The following TUSC3 variants were observed in gnomAD, a reference collection of about 807,000 sequenced individuals.
TUSC3 encodes the protein tumor suppressor candidate 3, also known as dolichyl-diphosphooligosaccharide--protein glycosyltransferase subunit TUSC3.
TUSC3 carries 45 observed loss-of-function variants against 44.8 expected under a neutral mutation model. The ratio of observed to expected loss-of-function variants is 1.00; its 90% CI spans 0.79 to 1.29. TUSC3 has a LOEUF of 1.29. Among genes scored for constraint, TUSC3 ranks in the 50% most tolerant of loss-of-function variants. The probability of loss-of-function intolerance (pLI) is 0.00; values close to 1 mark genes in which losing one functional copy is unlikely to be tolerated. For missense variants in TUSC3, 519 were observed against 437.9 expected, an observed-to-expected ratio of 1.19 and a Z score of -1.65; for synonymous variants, 212 against 152.9, an observed-to-expected ratio of 1.39 and a Z score of -2.85.
At chr8:15,706,894 T>C (rs544944644) in intron 6 of TUSC3, among the ~76,000 whole-genome samples, 1 of 152,030 alleles carries the variant, frequency 6.6e-6, no homozygotes, top group African/African-American at 2.4e-5. Flanking sequence ...AGTTAAGTTG[T>C]AGGGCGCAAG....
At chr8:15,523,822 C>A (rs1394428593) in intron 2 of TUSC3, among the ~76,000 whole-genome samples, 1 of 150,700 alleles carries the variant, frequency 6.6e-6, no homozygotes, top group African/African-American at 2.4e-5. Context: ...CTTTGAAAGG[C>A]CGAGGCAGGC....
At chr8:15,535,500 G>A (rs572226812), upstream of TUSC3, among the ~76,000 whole-genome samples, 1 of 152,270 alleles carries the variant, frequency 6.6e-6, no homozygotes, top group South Asian at 2.1e-4. Flanking sequence ...CCGTCCTAGA[G>A]CTTACATTCT....
At chr8:15,568,480 T>A (rs1014784720) in intron 1 of TUSC3, among the ~76,000 whole-genome samples, 1 of 152,188 alleles carries the variant, frequency 6.6e-6, no homozygotes, top group Admixed American at 6.5e-5. Context: ...CCATTTTGCC[T>A]AAACTAGATT....
chr8:15,549,288 C>T (rs968437062), intron 1 of TUSC3, among the ~76,000 whole-genome samples: 10 of 151,708 alleles, frequency 6.6e-5, no homozygotes, highest in African/African-American at 2.4e-4. Context: ...ATTCTCCTGC[C>T]TCAGCCACCT....
intron 6 of TUSC3, among the ~76,000 whole-genome samples, chr8:15,676,065 C>G (rs1022446955): frequency 6.6e-6 from 1 of 152,224 alleles, no homozygotes; most frequent in South Asian, 2.1e-4. Context: ...TGTATGTGTT[C>G]CGTTTTCTAC....
At chr8:15,752,136 A>G (rs961605712) in intron 9 of TUSC3, among the ~76,000 whole-genome samples, 2 of 152,088 alleles carry the variant, frequency 1.3e-5, no homozygotes, top group African/African-American at 2.4e-5. Context: ...GGTGAGAAAG[A>G]TCACTGTGGG....
At chr8:15,784,010 T>A in the TUSC3 span, among the ~76,000 whole-genome samples, 4 of 151,850 alleles carry the variant, frequency 2.6e-5, no homozygotes, top group African/African-American at 9.7e-5. Context: ...AATAAGAAAA[T>A]AAATAACACT....
chr8:15,778,152 C>G, the TUSC3 span, among the ~76,000 whole-genome samples: 1 of 151,848 alleles, frequency 6.6e-6, no homozygotes, highest in Non-Finnish European at 1.5e-5. Flanking sequence ...TAATATCACC[C>G]TTGTTTCCAA....
Position 15,764,454 on chromosome 8 carries a change from C to A in TUSC3, c.*298C>A. On this transcript the variant is annotated 3_prime_UTR_variant, in exon 11 of 11. Coordinates refer to ENST00000503731, the MANE Select transcript of TUSC3 (RefSeq NM_006765.4). The stretch of plus-strand genomic sequence containing the variant: ...AGCCTGTTATATTCAGTGTGTGCCA[C>A]AGGATTGAAATAAATGACAATGTAA... The A allele has an allele frequency of 2.2e-6, 1 of 449,652 alleles. No homozygotes were observed. The highest frequency in any genetic ancestry group is 2.0e-5 in the African/African-American group (1 of 50,092). The allele number at this position is 449,652 out of a possible 1,614,324, so 27.9% of individuals were successfully genotyped here. A position where few individuals can be genotyped will look rare whatever the true frequency, so the allele number is the denominator to read the frequency against.
At chr8:15,592,980 T>C (rs2129151157) in intron 1 of TUSC3, among the ~76,000 whole-genome samples, 1 of 152,340 alleles carries the variant, frequency 6.6e-6, no homozygotes, top group African/African-American at 2.4e-5. Context: ...CTTATGAATT[T>C]TGAGTGTGAG....
chr8:15,757,688 A>C (rs1811984102), intron 9 of TUSC3, 103 bp from the exon 10 acceptor site: 1 of 1,411,032 alleles, frequency 7.1e-7, no homozygotes, highest in Non-Finnish European at 1.0e-6. Context: ...ATCTAGATAA[A>C]GAATGTAGTG....
chr8:15,758,670 C>T (rs983224083), intron 10 of TUSC3, among the ~76,000 whole-genome samples: 12 of 152,048 alleles, frequency 7.9e-5, no homozygotes, highest in African/African-American at 2.4e-4. Flanking sequence ...TCTGAACTGG[C>T]TCTTCATCTG....
chr8:15,820,791 T>C, the TUSC3 span, among the ~76,000 whole-genome samples: 7 of 152,236 alleles, frequency 4.6e-5, no homozygotes, highest in Non-Finnish European at 1.0e-4. Flanking sequence ...AATTTTATTT[T>C]GGAAAGGCTT....
chr8:15,850,485 C>T, the TUSC3 span, among the ~76,000 whole-genome samples: 5 of 152,166 alleles, frequency 3.3e-5, no homozygotes, highest in Admixed American at 2.6e-4. Flanking sequence ...CCTCCTAACA[C>T]ATTTATTGCT....
chr8:15,590,455 C>A (rs1803779422), intron 1 of TUSC3, among the ~76,000 whole-genome samples: 1 of 152,068 alleles, frequency 6.6e-6, no homozygotes, highest in Non-Finnish European at 1.5e-5. Flanking sequence ...TAACTTTCTT[C>A]TCTCTCCCAG....
chr8:15,520,632 CAT>C (rs1354672576), intron 2 of TUSC3, among the ~76,000 whole-genome samples: 1 of 152,164 alleles, frequency 6.6e-6, no homozygotes, highest in Non-Finnish European at 1.5e-5. Flanking sequence ...AATACAGAAA[CAT>C]ATAAATGATA....
chr8:15,768,434 A>G (rs1166665587), downstream of TUSC3, among the ~76,000 whole-genome samples: 1 of 152,284 alleles, frequency 6.6e-6, no homozygotes, highest in East Asian at 1.9e-4. Context: ...CAAGAAAGTC[A>G]TCTTATTCAC....
At chr8:15,711,907 A>G (rs945038076) in intron 6 of TUSC3, among the ~76,000 whole-genome samples, 7 of 151,880 alleles carry the variant, frequency 4.6e-5, no homozygotes, top group Admixed American at 1.3e-4. Flanking sequence ...CGTTTTTACT[A>G]TAGTTTCAGG....
chr8:15,430,393 A>C (rs1799857489), intron 1 of TUSC3, among the ~76,000 whole-genome samples: 1 of 150,768 alleles, frequency 6.6e-6, no homozygotes, highest in African/African-American at 2.5e-5. Context: ...GATTATCTCA[A>C]TAGATGCAGA....
Sources: allele counts gnomAD v4.1 joint callset (sites outside exome capture counted in the v4.1 genomes callset), GRCh38; gene constraint gnomAD v4.1.1; transcripts MANE v1.5; gene names NCBI Gene and HGNC (gene_info 2026-07-23, HGNC 2026-07-21).